Variants in EPHA7 observed in about 807,000 individuals in gnomAD.
The protein encoded by EPHA7 is EPH receptor A7.
Under a neutral mutation model 112.6 loss-of-function variants are expected in EPHA7, and 25 were observed. That is an observed-to-expected ratio of 0.22 (90% CI 0.16 to 0.31). The LOEUF is 0.31. Ranked by LOEUF, EPHA7 falls within the 10% of genes least tolerant of loss-of-function variation. The pLI is 1.00. For synonymous variants in EPHA7, 437 were observed against 406.5 expected, an observed-to-expected ratio of 1.07 and a Z score of -0.90; for missense variants, 962 against 1,212.6, an observed-to-expected ratio of 0.79 and a Z score of 3.07.
intron 3 of EPHA7, among the ~76,000 whole-genome samples, chr6:93,383,344 TA>T (rs964151604): frequency 1.3e-5 from 2 of 151,584 alleles, no homozygotes; most frequent in African/African-American, 4.8e-5. Flanking sequence ...TGTGTGTGTA[TA>T]ATTTAATGTT....
At chr6:93,403,462 A>C (rs2127990220) in intron 3 of EPHA7, among the ~76,000 whole-genome samples, 1 of 152,084 alleles carries the variant, frequency 6.6e-6, no homozygotes. Flanking sequence ...CCCCTAGGGA[A>C]AGGGCAAAGT....
chr6:93,412,312 C>T (rs1044230951), intron 2 of EPHA7, among the ~76,000 whole-genome samples: 10 of 97,116 alleles, frequency 1.0e-4, no homozygotes, highest in Non-Finnish European at 1.5e-4. Context: ...AAATAAAAAT[C>T]ATGGGTAAAT....
chr6:93,298,371 A>T (rs1420620360), intron 5 of EPHA7, among the ~76,000 whole-genome samples: 6 of 152,158 alleles, frequency 3.9e-5, no homozygotes, highest in African/African-American at 1.4e-4. Flanking sequence ...TAACTTTGTT[A>T]TGGATAAGGC....
At chr6:93,346,325 G>A (rs909756467) in intron 5 of EPHA7, among the ~76,000 whole-genome samples, 21 of 151,522 alleles carry the variant, frequency 1.4e-4, no homozygotes, top group African/African-American at 3.9e-4. Flanking sequence ...CTGAAACTGC[G>A]TCTGTCTCCA....
chr6:93,358,794 T>C (rs13206036), intron 3 of EPHA7, among the ~76,000 whole-genome samples: 29,953 of 152,232 alleles, frequency 0.2, 3,532 homozygotes, highest in Non-Finnish European at 0.27. Flanking sequence ...CTTCAAGTTA[T>C]GTTTTCTTAA....
chr6:93,286,618 C>T (rs78063355), intron 5 of EPHA7, among the ~76,000 whole-genome samples: 5,290 of 152,132 alleles, frequency 0.035, 321 homozygotes, highest in African/African-American at 0.12. Context: ...CAGAAGAAAC[C>T]AAAGGAATTG....
Position 93,410,465 on chromosome 6 carries a change from A to T in EPHA7, c.832+36T>A, listed in dbSNP as rs763823973. ...AAATGTCTGATACTGAAATTTAAAA[A>T]GGCAAAGTGGAGTTTTAATAGGACA... On this transcript the variant is annotated intron_variant, in intron 3 of 16. Coordinates refer to ENST00000369303, the MANE Select transcript of EPHA7 (RefSeq NM_004440.4). The surrounding 1 kb of genome is among the most constrained non-coding windows in gnomAD (Gnocchi z 4.0). The T allele has an allele frequency of 6.4e-6, 10 of 1,554,916 alleles. No homozygotes were observed. In the East Asian group the frequency reaches 9.0e-5, roughly 14 times the overall value.
At chr6:93,351,824 A>G (rs528537279) in intron 5 of EPHA7, among the ~76,000 whole-genome samples, 4 of 152,186 alleles carry the variant, frequency 2.6e-5, no homozygotes, top group African/African-American at 7.2e-5. Context: ...TACTGCTCTT[A>G]TAATTGTTTC....
At chr6:93,361,930 C>T (rs1776280881) in intron 3 of EPHA7, among the ~76,000 whole-genome samples, 1 of 151,918 alleles carries the variant, frequency 6.6e-6, no homozygotes, top group Non-Finnish European at 1.5e-5. Flanking sequence ...GATGTTTTTG[C>T]TTTTCTAACT....
intron 3 of EPHA7, among the ~76,000 whole-genome samples, chr6:93,381,370 A>G (rs1777326176): frequency 1.3e-5 from 2 of 152,244 alleles, no homozygotes; most frequent in South Asian, 4.1e-4. Flanking sequence ...AATATGATCT[A>G]ATGCAATATC....
chr6:93,314,521 T>C (rs1022577533), intron 5 of EPHA7, among the ~76,000 whole-genome samples: 1 of 152,140 alleles, frequency 6.6e-6, no homozygotes, highest in African/African-American at 2.4e-5. Context: ...ATACATCTAC[T>C]GACCATTTGC....
In EPHA7 at chr6:93,242,404, CAGAAG is replaced by C; in HGVS notation, c.*1017_*1021del. The stretch of plus-strand genomic sequence containing the variant: ...CCTTTCATGTTTGGACTGCATTCAA[CAGAAG>C]AGGATATAAAATATATGTCAACTAT... On this transcript the variant is annotated 3_prime_UTR_variant, in exon 17 of 17. Transcript: ENST00000369303. 1 of 194,720 alleles carries C rather than the reference CAGAAG, an allele frequency of 5.1e-6. No individual in the cohort carries two copies. 12.1% of individuals were successfully genotyped at this position (194,720 alleles called of 1,614,324 possible).
rs139341740 is a variant in EPHA7, at chr6:93,397,085, C to T, written c.832+13416G>A. 9.4e-4 allele frequency among the ~76,000 whole-genome samples: 143 copies of T among 151,406 alleles called. 1 individual carries two copies. In the Middle Eastern group the frequency reaches 0.049, roughly 52 times the overall value. On this transcript the variant is annotated intron_variant, in intron 3 of 16. Coordinates refer to ENST00000369303, the MANE Select transcript of EPHA7 (RefSeq NM_004440.4). ...CAATGAAAATTTCTTCAGCCAAAAG[C>T]TTTGTTCTAGATGTATCATTAACCG...
intron 3 of EPHA7, among the ~76,000 whole-genome samples, chr6:93,392,997 A>G (rs1018880444): frequency 4.6e-5 from 7 of 151,896 alleles, no homozygotes; most frequent in Non-Finnish European, 1.0e-4. Flanking sequence ...CTTACTTTTC[A>G]CAGGATCATG....
At chr6:93,271,446 T>C (rs1031082828) in intron 6 of EPHA7, among the ~76,000 whole-genome samples, 3 of 151,856 alleles carry the variant, frequency 2.0e-5, no homozygotes, top group African/African-American at 7.2e-5. Context: ...TTCAGGTAAC[T>C]CAGGTAAGCC....
intron 7 of EPHA7, among the ~76,000 whole-genome samples, chr6:93,268,247 A>G (rs1287984121): frequency 6.6e-6 from 1 of 151,754 alleles, no homozygotes; most frequent in African/African-American, 2.4e-5. Flanking sequence ...TTTATATGTC[A>G]AAATGATTTC....
chr6:93,385,359 T>A (rs1777547719), intron 3 of EPHA7, among the ~76,000 whole-genome samples: 1 of 152,124 alleles, frequency 6.6e-6, no homozygotes, highest in African/African-American at 2.4e-5. Flanking sequence ...CTCTATGTCA[T>A]CTAGCAGTCA....
chr6:93,363,340 A>G (rs1414401575), intron 3 of EPHA7, among the ~76,000 whole-genome samples: 1 of 152,180 alleles, frequency 6.6e-6, no homozygotes. Context: ...AATAATTTTT[A>G]AAAAGTGCAA....
rs1769750835 is a variant in EPHA7 at position 93,243,004 on chromosome 6, T to C, written c.*422A>G. On this transcript the variant is annotated 3_prime_UTR_variant, in exon 17 of 17. Coordinates refer to ENST00000369303, the MANE Select transcript of EPHA7 (RefSeq NM_004440.4). ...AGTCCTTATGAAGAATAAACACAAA[T>C]GATTTTAAAAAGGAATAGTCTGAAA... 1.4e-5 allele frequency: 3 copies of C among 220,284 alleles called. No homozygotes were observed. The highest frequency in any genetic ancestry group is 1.4e-4 in the East Asian group (2 of 14,722). 13.6% of individuals were successfully genotyped at this position (220,284 alleles called of 1,614,324 possible).
Sources: gnomAD v4.1 joint callset for allele counts (sites outside exome capture counted in the v4.1 genomes callset) on GRCh38, gnomAD v4.1.1 for gene constraint, Gnocchi (gnomAD v3.1) non-coding constraint, MANE v1.5 for transcripts, NCBI Gene and HGNC (gene_info 2026-07-23, HGNC 2026-07-21) for gene names.